The following GALNT13 variants were observed in gnomAD, a reference collection of about 807,000 sequenced individuals.
GALNT13 encodes polypeptide N-acetylgalactosaminyltransferase 13.
In GALNT13, 28 loss-of-function variants were observed where a neutral mutation model predicts 64.2. The ratio of observed to expected loss-of-function variants is 0.44; its 90% CI spans 0.32 to 0.60. GALNT13 has a LOEUF of 0.60. Ranked by LOEUF, GALNT13 falls within the 20% of genes least tolerant of loss-of-function variation. The probability of loss-of-function intolerance (pLI) is 0.05; values close to 1 mark genes in which losing one functional copy is unlikely to be tolerated. For missense variants in GALNT13, 577 were observed against 669.8 expected, an observed-to-expected ratio of 0.86 and a Z score of 1.53; for synonymous variants, 214 against 224.6, an observed-to-expected ratio of 0.95 and a Z score of 0.42.
rs570929253 is a variant in GALNT13, at chr2:154,429,559, T to C, written c.1396-9033T>C. Among the ~76,000 whole-genome samples, 3 of 152,160 alleles carry C rather than the reference T, an allele frequency of 2.0e-5. No individual in the cohort carries two copies. In the East Asian group the frequency reaches 5.8e-4, roughly 29 times the overall value. ...GAGTTTTAAGGAAAGAAAGATAACA[T>C]AAAAGGGCAAGGTGAAGTAGCAAGT... On this transcript the variant is annotated intron_variant, in intron 11 of 12. Transcript: ENST00000392825.
At chr2:153,839,081 G>A in the GALNT13 span, among the ~76,000 whole-genome samples, 1 of 151,708 alleles carries the variant, frequency 6.6e-6, no homozygotes, top group Non-Finnish European at 1.5e-5. Context: ...GTGTTGTAGT[G>A]TACGTAAATG....
At chr2:153,735,267 G>GT in the GALNT13 span, among the ~76,000 whole-genome samples, 1 of 151,492 alleles carries the variant, frequency 6.6e-6, no homozygotes, top group Admixed American at 6.6e-5. Flanking sequence ...TTACTATTTT[G>GT]TTTTTTTAAT....
chr2:153,562,899 G>C, the GALNT13 span, among the ~76,000 whole-genome samples: 5 of 151,926 alleles, frequency 3.3e-5, no homozygotes, highest in African/African-American at 1.2e-4. Flanking sequence ...AATTGTTTTG[G>C]TGTGGCTATT....
chr2:154,417,297 A>T (rs1157489765), intron 11 of GALNT13, among the ~76,000 whole-genome samples: 1 of 151,102 alleles, frequency 6.6e-6, no homozygotes, highest in African/African-American at 2.4e-5. Flanking sequence ...AAAAAAAAAA[A>T]AAAAAACCTG....
At chr2:154,305,073 A>G (rs1693656129) in intron 9 of GALNT13, among the ~76,000 whole-genome samples, 1 of 152,236 alleles carries the variant, frequency 6.6e-6, no homozygotes, top group East Asian at 1.9e-4. Context: ...GAGCCCTGGG[A>G]AGATTTCAGA....
chr2:154,308,971 A>G (rs1001760931), intron 9 of GALNT13, among the ~76,000 whole-genome samples: 53 of 151,954 alleles, frequency 3.5e-4, no homozygotes, highest in Admixed American at 2.9e-3. Flanking sequence ...ATGGGTTTTT[A>G]TTTGTATTTT....
intron 3 of GALNT13, among the ~76,000 whole-genome samples, chr2:154,086,907 T>G (rs1438401733): frequency 6.6e-6 from 1 of 152,152 alleles, no homozygotes; most frequent in African/African-American, 2.4e-5. Flanking sequence ...ATATCACTTG[T>G]GATGAAATAC....
chr2:153,121,425 A>T, the GALNT13 span, among the ~76,000 whole-genome samples: 12 of 152,242 alleles, frequency 7.9e-5, no homozygotes, highest in Non-Finnish European at 1.2e-4. Flanking sequence ...TTGAATATAT[A>T]AAACAGAAAG....
At chr2:153,997,798 C>T (rs886868130) in intron 3 of GALNT13, among the ~76,000 whole-genome samples, 10 of 152,094 alleles carry the variant, frequency 6.6e-5, no homozygotes, top group Non-Finnish European at 1.2e-4. Flanking sequence ...TCCCTAGCCC[C>T]CGAGCCCCCG....
chr2:153,907,949 G>A (rs183384122), intron 2 of GALNT13, among the ~76,000 whole-genome samples: 2 of 152,178 alleles, frequency 1.3e-5, no homozygotes, highest in East Asian at 3.9e-4. Flanking sequence ...GGGTTGAATG[G>A]TAATTTTGTT....
the GALNT13 span, among the ~76,000 whole-genome samples, chr2:153,451,817 C>G: frequency 6.6e-6 from 1 of 152,168 alleles, no homozygotes; most frequent in Non-Finnish European, 1.5e-5. Flanking sequence ...TAGCCCCAGG[C>G]GGCAGGTAGG....
intron 1 of GALNT13, among the ~76,000 whole-genome samples, chr2:153,884,785 ATGTGTGTG>A (rs1179176058): frequency 1.8e-4 from 22 of 122,334 alleles, no homozygotes; most frequent in African/African-American, 5.3e-4. Context: ...ATATATATAT[ATGTGTGTG>A]TATATATATA....
At chr2:153,493,957 A>G in the GALNT13 span, among the ~76,000 whole-genome samples, 1 of 152,118 alleles carries the variant, frequency 6.6e-6, no homozygotes, top group East Asian at 1.9e-4. Flanking sequence ...TCTATGGGCT[A>G]TACAAGCACG....
At chr2:153,152,817 A>T in the GALNT13 span, among the ~76,000 whole-genome samples, 1 of 152,166 alleles carries the variant, frequency 6.6e-6, no homozygotes, top group Non-Finnish European at 1.5e-5. Context: ...ACTGATGGAC[A>T]TTTAGGTTGA....
chr2:153,818,449 C>G, the GALNT13 span, among the ~76,000 whole-genome samples: 1 of 152,162 alleles, frequency 6.6e-6, no homozygotes, highest in Non-Finnish European at 1.5e-5. Context: ...GTCTGAACAC[C>G]GGGGACAGTT....
the GALNT13 span, among the ~76,000 whole-genome samples, chr2:153,614,974 CTT>C: frequency 2.0e-5 from 3 of 151,924 alleles, no homozygotes; most frequent in African/African-American, 7.2e-5. Flanking sequence ...GGTCTTATTC[CTT>C]CCAACTATTT....
the GALNT13 span, among the ~76,000 whole-genome samples, chr2:153,224,429 C>T: frequency 6.6e-6 from 1 of 152,102 alleles, no homozygotes; most frequent in African/African-American, 2.4e-5. Context: ...CAAACCTCAG[C>T]ATCACACAAT....
chr2:153,903,292 T>C (rs1032029820), intron 2 of GALNT13, among the ~76,000 whole-genome samples: 2 of 152,016 alleles, frequency 1.3e-5, no homozygotes, highest in Admixed American at 1.3e-4. Flanking sequence ...AAGAACGCAT[T>C]TTAAAGTTAG....
the GALNT13 span, among the ~76,000 whole-genome samples, chr2:153,174,469 T>A: frequency 9.7e-5 from 8 of 82,732 alleles, no homozygotes; most frequent in Non-Finnish European, 1.1e-4. Context: ...CATTTTCTAT[T>A]TTTTTTTTTT....
Sources: gnomAD v4.1 joint callset for allele counts (sites outside exome capture counted in the v4.1 genomes callset) on GRCh38, gnomAD v4.1.1 for gene constraint, MANE v1.5 for transcripts, NCBI Gene and HGNC (gene_info 2026-07-23, HGNC 2026-07-21) for gene names.